Variants in SMG6 observed in about 807,000 individuals in gnomAD.
SMG6 encodes SMG6 nonsense mediated mRNA decay factor.
A neutral mutation model predicts 142.2 loss-of-function variants in SMG6; 66 were observed. The observed-to-expected ratio is 0.46, with a 90% CI of 0.38 to 0.57. The LOEUF is 0.57. Among genes scored for constraint, SMG6 ranks in the 20% least tolerant of loss-of-function variants. The pLI, the probability that SMG6 is intolerant of heterozygous loss-of-function variation, is 0.00. For synonymous variants in SMG6, 779 were observed against 702.4 expected, an observed-to-expected ratio of 1.11 and a Z score of -1.72; for missense variants, 1,793 against 1,832.0, an observed-to-expected ratio of 0.98 and a Z score of 0.39.
intron 8 of SMG6, among the ~76,000 whole-genome samples, chr17:2,257,723 A>C (rs966882284): frequency 1.3e-5 from 2 of 151,910 alleles, no homozygotes; most frequent in African/African-American, 4.8e-5. Context: ...TTTACAGTAC[A>C]TTGAAATTTT....
At chr17:2,210,224 A>G (rs1040541232) in intron 10 of SMG6, among the ~76,000 whole-genome samples, 1 of 151,650 alleles carries the variant, frequency 6.6e-6, no homozygotes, top group African/African-American at 2.4e-5. Flanking sequence ...CCATCTTCAC[A>G]GTCTGCTTCC....
chr17:2,163,440 A>C lies in SMG6; in HGVS notation c.3357+9218T>G, dbSNP rs572406596. Among the ~76,000 whole-genome samples the C allele has an allele frequency of 4.6e-5, 7 of 152,308 alleles. No individual in the cohort carries two copies. In the South Asian group the frequency reaches 6.2e-4, roughly 14 times the overall value. ...GGTGATCCTCCCACCTTGGCCTCCCAAAGTGCTGTGATTAGAGGTGCGAGC... is the reference window on the plus strand; with the variant it reads ...GGTGATCCTCCCACCTTGGCCTCCCCAAGTGCTGTGATTAGAGGTGCGAGC... On this transcript the variant is annotated intron_variant, in intron 13 of 18. Coordinates refer to ENST00000263073, the MANE Select transcript of SMG6 (RefSeq NM_017575.5).
intron 13 of SMG6, among the ~76,000 whole-genome samples, chr17:2,160,769 T>C (rs2071150984): frequency 6.6e-6 from 1 of 152,118 alleles, no homozygotes; most frequent in Non-Finnish European, 1.5e-5. Flanking sequence ...AAGTCAAGGC[T>C]GCAGTGAGCC....
chr17:2,209,875 A>C (rs1431587185), intron 10 of SMG6, among the ~76,000 whole-genome samples: 2 of 152,156 alleles, frequency 1.3e-5, no homozygotes, highest in Non-Finnish European at 2.9e-5. Flanking sequence ...CTGAACCCTT[A>C]CTATATGCCA....
At chr17:2,075,936 C>T (rs912027623) in intron 15 of SMG6, among the ~76,000 whole-genome samples, 1 of 152,204 alleles carries the variant, frequency 6.6e-6, no homozygotes, top group Non-Finnish European at 1.5e-5. Flanking sequence ...CCAGTCGGCC[C>T]CACTCACCAG....
chr17:2,140,068 G>A (rs1024061113), intron 13 of SMG6, among the ~76,000 whole-genome samples: 4 of 149,746 alleles, frequency 2.7e-5, no homozygotes, highest in Non-Finnish European at 5.9e-5. Context: ...CTGTTAAGGG[G>A]CACTTTATTT....
chr17:2,290,788 A>G (rs1259347986), intron 6 of SMG6, among the ~76,000 whole-genome samples: 1 of 152,214 alleles, frequency 6.6e-6, no homozygotes, highest in Non-Finnish European at 1.5e-5. Context: ...GCAAAAAAGT[A>G]GTGGGGGGGC....
chr17:2,129,585 G>C (rs1235120159), intron 13 of SMG6, among the ~76,000 whole-genome samples: 3 of 151,876 alleles, frequency 2.0e-5, no homozygotes, highest in Non-Finnish European at 4.4e-5. Flanking sequence ...CTTGAGGTCA[G>C]GAGTTCGAGA....
chr17:2,068,968 G>T lies in SMG6; in HGVS notation c.3682-37C>A. 6.2e-7 allele frequency: 1 copy of T among 1,606,244 alleles called. No individual in the cohort carries two copies. The highest frequency in any genetic ancestry group is 8.5e-7 in the Non-Finnish European group (1 of 1,174,722). ...GAGTGGTGAATGAGCCAGACAGCGAGCAGGCAAGCAGGTGGGTGAGCCAGG... is the reference window on the plus strand; with the variant it reads ...GAGTGGTGAATGAGCCAGACAGCGATCAGGCAAGCAGGTGGGTGAGCCAGG... On this transcript the variant is annotated intron_variant, in intron 15 of 18. Coordinates refer to ENST00000263073, the MANE Select transcript of SMG6 (RefSeq NM_017575.5). The surrounding 1 kb of genome is among the most constrained non-coding windows in gnomAD (Gnocchi z 6.7).
intron 16 of SMG6, among the ~76,000 whole-genome samples, chr17:2,067,454 C>T (rs2151389957): frequency 6.6e-6 from 1 of 152,318 alleles, no homozygotes; most frequent in Admixed American, 6.5e-5. Flanking sequence ...AAAACACTTT[C>T]TTTCCCCTGA....
chr17:2,102,334 G>A (rs1233996286), intron 13 of SMG6, among the ~76,000 whole-genome samples: 2 of 151,978 alleles, frequency 1.3e-5, no homozygotes, highest in East Asian at 1.9e-4. Context: ...ATTGTGGTGA[G>A]AAAATTTGAA....
intron 10 of SMG6, among the ~76,000 whole-genome samples, chr17:2,198,480 C>T (rs971541498): frequency 6.6e-6 from 1 of 152,132 alleles, no homozygotes; most frequent in Non-Finnish European, 1.5e-5. Flanking sequence ...CACACACACG[C>T]ACACAAGTGC....
chr17:2,266,794 C>T (rs368857056), intron 8 of SMG6, among the ~76,000 whole-genome samples: 1 of 152,168 alleles, frequency 6.6e-6, no homozygotes, highest in Non-Finnish European at 1.5e-5. Context: ...GAGAAACTTG[C>T]ACTCACTACC....
intron 13 of SMG6, among the ~76,000 whole-genome samples, chr17:2,146,896 G>A (rs183881507): frequency 1.3e-3 from 197 of 152,268 alleles, no homozygotes; most frequent in African/African-American, 4.5e-3. Flanking sequence ...TCTTTACAAA[G>A]TGCTTTCATA....
Position 2,236,449 on chromosome 17 carries a change from CTA to C in SMG6, c.2869+41_2869+42del. On this transcript the variant is annotated intron_variant, in intron 10 of 18. Coordinates refer to ENST00000263073, the MANE Select transcript of SMG6 (RefSeq NM_017575.5). ...CACAAGAAAGAAGCTACATTAATCT[CTA>C]TCTGTCTATATTCTAGATGAAGAAA... is the stretch of plus-strand genomic sequence containing the variant. 10 of 1,510,322 alleles carry C rather than the reference CTA, an allele frequency of 6.6e-6. No individual in the cohort carries two copies. In the South Asian group the frequency reaches 1.2e-4, roughly 18 times the overall value. 93.6% of individuals were successfully genotyped at this position (1,510,322 alleles called of 1,614,324 possible). A position where few individuals can be genotyped will look rare whatever the true frequency, so the allele number is the denominator to read the frequency against.
Position 2,300,084 on chromosome 17 carries a change from C to T in SMG6, c.669G>A (p.Gly223=). 6.2e-7 allele frequency: 1 copy of T among 1,614,166 alleles called. No homozygotes were observed. The highest frequency in any genetic ancestry group is 8.5e-7 in the Non-Finnish European group (1 of 1,179,994). ...CGTCGTGGGTTTCCCTCACCCCCTC[C>T]CCTTTTCCCATCCTCTTTCCTTTTT... is the stretch of plus-strand genomic sequence containing the variant. ...KGEKGKRMGK[G]EGVRETHDDP... is the part of the protein sequence containing the mutation. Residue 223 remains glycine (G), a synonymous_variant, in exon 2 of 19, where the codon GGG becomes GGA. Transcript: ENST00000263073.
chr17:2,296,670 C>T (rs1270655202), intron 4 of SMG6, among the ~76,000 whole-genome samples: 1 of 152,176 alleles, frequency 6.6e-6, no homozygotes, highest in Admixed American at 6.5e-5. Flanking sequence ...GAAAAACTGT[C>T]TTCCATGAAA....
chr17:2,205,801 ATG>A (rs1219262455), intron 10 of SMG6, among the ~76,000 whole-genome samples: 1 of 152,092 alleles, frequency 6.6e-6, no homozygotes, highest in African/African-American at 2.4e-5. Flanking sequence ...ATAAATATAT[ATG>A]TGTATATATA....
Position 2,297,292 on chromosome 17 carries a change from T to G in SMG6, c.2102A>C (p.Glu701Ala). 1 of 1,613,748 alleles carries G rather than the reference T, an allele frequency of 6.2e-7. No homozygotes were observed. Among genetic ancestry groups the G allele is most frequent in the Non-Finnish European group, 8.5e-7 (1 of 1,179,830 alleles). Residue 701 changes from glutamate (E) to alanine (A), a missense_variant, in exon 4 of 19, where the codon GAA becomes GCA. Transcript: ENST00000263073. ...KLQVTYKFKL[E>A]DYMDGLAIRS... ...AATGGCAAGACCATCCATGTAGTCTTCCAGTTTGAACTTGTAAGTAACCTG... is the reference window on the plus strand; with the variant it reads ...AATGGCAAGACCATCCATGTAGTCTGCCAGTTTGAACTTGTAAGTAACCTG...
Sources: gnomAD v4.1 joint callset for allele counts (sites outside exome capture counted in the v4.1 genomes callset) on GRCh38, gnomAD v4.1.1 for gene constraint, Gnocchi (gnomAD v3.1) non-coding constraint, MANE v1.5 for transcripts, NCBI Gene and HGNC (gene_info 2026-07-23, HGNC 2026-07-21) for gene names.